The following TSHZ2 variants were observed in gnomAD, a reference collection of about 807,000 sequenced individuals.
TSHZ2 encodes teashirt zinc finger homeobox 2.
Under a neutral mutation model 74.4 loss-of-function variants are expected in TSHZ2, and 21 were observed. The ratio of observed to expected loss-of-function variants is 0.28; its 90% CI spans 0.20 to 0.41. TSHZ2 has a LOEUF of 0.41. TSHZ2 is among the 10% of genes least tolerant of loss of function. TSHZ2 has a pLI of 1.00. For synonymous variants in TSHZ2, 540 were observed against 515.3 expected, an observed-to-expected ratio of 1.05 and a Z score of -0.65; for missense variants, 1,244 against 1,293.5, an observed-to-expected ratio of 0.96 and a Z score of 0.59.
intron 2 of TSHZ2, among the ~76,000 whole-genome samples, chr20:53,423,656 T>C (rs565701920): frequency 6.6e-5 from 10 of 152,320 alleles, no homozygotes; most frequent in South Asian, 4.1e-4. Flanking sequence ...AGTCAATATG[T>C]GCTGGAAACT....
chr20:52,985,895 A>G (rs1981736051), intron 1 of TSHZ2, among the ~76,000 whole-genome samples: 1 of 152,156 alleles, frequency 6.6e-6, no homozygotes, highest in Non-Finnish European at 1.5e-5. Context: ...CCCAATAAGC[A>G]TTTTCCTACC....
At chr20:53,283,976 G>A (rs907258455) in intron 2 of TSHZ2, among the ~76,000 whole-genome samples, 3 of 152,236 alleles carry the variant, frequency 2.0e-5, no homozygotes, top group Non-Finnish European at 4.4e-5. Context: ...TGAATGTAGA[G>A]CTTCGAGGAG....
At chr20:53,049,610 T>C (rs751940836) in intron 1 of TSHZ2, among the ~76,000 whole-genome samples, 3 of 152,186 alleles carry the variant, frequency 2.0e-5, no homozygotes, top group Non-Finnish European at 4.4e-5. Flanking sequence ...TATATGTCTT[T>C]GAATTCTTAG....
intron 2 of TSHZ2, among the ~76,000 whole-genome samples, chr20:53,355,400 T>G (rs1240634602): frequency 6.6e-6 from 1 of 152,196 alleles, no homozygotes; most frequent in African/African-American, 2.4e-5. Context: ...ATATGATGTA[T>G]TCATACCATG....
intron 2 of TSHZ2, among the ~76,000 whole-genome samples, chr20:53,486,558 C>G (rs991791650): frequency 1.3e-5 from 2 of 151,888 alleles, no homozygotes. Context: ...AGTGTGCCTG[C>G]GGTTCCAGCC....
chr20:53,434,875 G>A (rs1156497906), intron 2 of TSHZ2, among the ~76,000 whole-genome samples: 1 of 152,246 alleles, frequency 6.6e-6, no homozygotes, highest in Non-Finnish European at 1.5e-5. Flanking sequence ...GCTGCTGAGC[G>A]TGTGCTGACG....
At chr20:53,010,779 T>A (rs1477110068) in intron 1 of TSHZ2, among the ~76,000 whole-genome samples, 1 of 152,204 alleles carries the variant, frequency 6.6e-6, no homozygotes, top group African/African-American at 2.4e-5. Flanking sequence ...TTTAGGAGTG[T>A]CACACCTGAA....
chr20:53,369,841 G>A (rs948232716), intron 2 of TSHZ2, among the ~76,000 whole-genome samples: 7 of 152,222 alleles, frequency 4.6e-5, no homozygotes, highest in African/African-American at 1.4e-4. Context: ...TGAAAAGCTT[G>A]TTAGGGCCAG....
intron 1 of TSHZ2, among the ~76,000 whole-genome samples, chr20:53,133,567 A>G (rs1259784710): frequency 2.0e-5 from 3 of 152,232 alleles, no homozygotes; most frequent in Non-Finnish European, 2.9e-5. Context: ...CATATTCTCA[A>G]CAGGGAGCTT....
At chr20:53,284,502 G>GA (rs759763980) in intron 2 of TSHZ2, among the ~76,000 whole-genome samples, 1 of 152,124 alleles carries the variant, frequency 6.6e-6, no homozygotes, top group Non-Finnish European at 1.5e-5. Context: ...TTGCATTGGT[G>GA]AGCCGATTCC....
chr20:53,236,520 C>T (rs982471712), intron 1 of TSHZ2, among the ~76,000 whole-genome samples: 1 of 152,172 alleles, frequency 6.6e-6, no homozygotes, highest in African/African-American at 2.4e-5. Flanking sequence ...GGCAGGGCAT[C>T]ATGGAAAACT....
intron 1 of TSHZ2, among the ~76,000 whole-genome samples, chr20:52,994,482 A>G (rs1982109563): frequency 6.6e-6 from 1 of 152,154 alleles, no homozygotes; most frequent in Admixed American, 6.5e-5. Context: ...GAATAAATGA[A>G]TGCATAAAGA....
At chr20:53,245,669 G>C (rs1047831892) in intron 1 of TSHZ2, among the ~76,000 whole-genome samples, 2 of 152,216 alleles carry the variant, frequency 1.3e-5, no homozygotes, top group Non-Finnish European at 1.5e-5. Context: ...GTGGGGCTGA[G>C]AGCCTGCATT....
At chr20:53,319,901 C>T (rs1172781705) in intron 2 of TSHZ2, among the ~76,000 whole-genome samples, 1 of 152,222 alleles carries the variant, frequency 6.6e-6, no homozygotes, top group African/African-American at 2.4e-5. Flanking sequence ...GATTATTACT[C>T]TACAGTGTGG....
At chr20:53,022,855 C>T (rs995384162) in intron 1 of TSHZ2, among the ~76,000 whole-genome samples, 1 of 152,232 alleles carries the variant, frequency 6.6e-6, no homozygotes, top group East Asian at 1.9e-4. Flanking sequence ...AAAATATCAT[C>T]GCTGCTCTGA....
At chr20:53,407,949 A>G (rs1982909161) in intron 2 of TSHZ2, among the ~76,000 whole-genome samples, 1 of 152,200 alleles carries the variant, frequency 6.6e-6, no homozygotes, top group African/African-American at 2.4e-5. Flanking sequence ...AAATGTAAAA[A>G]CAATTCTTAG....
intron 2 of TSHZ2, among the ~76,000 whole-genome samples, chr20:53,290,469 A>G (rs574396650): frequency 6.2e-4 from 95 of 152,010 alleles, no homozygotes; most frequent in African/African-American, 2.1e-3. Flanking sequence ...AAACTACTAG[A>G]AAAAAAAGGA....
Position 53,340,177 on chromosome 20 carries a change from C to CTTTTTTTTTTTTTTTTTTT in TSHZ2, c.*8+83612_*8+83613insTTTTTTTTTTTTTTTTTTT, listed in dbSNP as rs74177489. Among the ~76,000 whole-genome samples, 23 of 94,074 alleles carry CTTTTTTTTTTTTTTTTTTT rather than the reference C, an allele frequency of 2.4e-4. 2 individuals carry two copies. The highest frequency in any genetic ancestry group is 4.9e-4 in the African/African-American group (11 of 22,280). 61.7% of individuals were successfully genotyped at this position (94,074 alleles called of 152,430 possible). On this transcript the variant is annotated intron_variant, in intron 2 of 2. Transcript: ENST00000371497. ...GGATAAAACAAGGTGACTTTTCTTTCTTTTTTCTTTTTTTTTTTTTTTTGA... is the reference window on the plus strand; with the variant it reads ...GGATAAAACAAGGTGACTTTTCTTTCTTTTTTTTTTTTTTTTTTTTTTTTTCTTTTTTTTTTTTTTTTGA...
At chr20:53,435,054 A>G (rs944309064) in intron 2 of TSHZ2, among the ~76,000 whole-genome samples, 1 of 152,262 alleles carries the variant, frequency 6.6e-6, no homozygotes, top group Non-Finnish European at 1.5e-5. Context: ...GATACATGAT[A>G]TTCCCAAACA....
Sources: gnomAD v4.1 joint callset for allele counts (sites outside exome capture counted in the v4.1 genomes callset) on GRCh38, gnomAD v4.1.1 for gene constraint, MANE v1.5 for transcripts, NCBI Gene and HGNC (gene_info 2026-07-23, HGNC 2026-07-21) for gene names.